The following SCARA5 variants were observed in gnomAD, a reference collection of about 807,000 sequenced individuals.
SCARA5 encodes scavenger receptor class A member 5, also known as scavenger receptor class A, member 5 (putative).
In SCARA5, 45 loss-of-function variants were observed where a neutral mutation model predicts 46.3. The ratio of observed to expected loss-of-function variants is 0.97; its 90% CI spans 0.76 to 1.24. The LOEUF (loss-of-function observed/expected upper bound fraction) is 1.24. Among genes scored for constraint, SCARA5 ranks in the 50% most tolerant of loss-of-function variants. The pLI is 0.00. For synonymous variants in SCARA5, 333 were observed against 306.5 expected, an observed-to-expected ratio of 1.09 and a Z score of -0.90; for missense variants, 680 against 689.0, an observed-to-expected ratio of 0.99 and a Z score of 0.15.
Position 27,922,004 on chromosome 8 carries a change from C to CA in SCARA5, c.482dup (p.Gln162AlafsTer34). 2 of 1,564,864 alleles carry CA rather than the reference C, an allele frequency of 1.3e-6. No homozygotes were observed. The highest frequency in any genetic ancestry group is 1.7e-6 in the Non-Finnish European group (2 of 1,163,020). On this transcript the variant is annotated frameshift_variant, in exon 4 of 9. Transcript: ENST00000354914. LOFTEE classifies it high-confidence loss of function. ...GCAGGGCCACCGCCTGCTCGGTCTG[C>CA]ACCGCCTGCGCCTGCAGCCCCCACA... is the stretch of plus-strand genomic sequence containing the variant.
intron 4 of SCARA5, among the ~76,000 whole-genome samples, chr8:27,917,630 G>A (rs1356596067): frequency 2.0e-5 from 3 of 152,160 alleles, no homozygotes; most frequent in African/African-American, 7.2e-5. Context: ...CAGTGGGAAG[G>A]CTATTCAGTC....
chr8:27,933,090 G>T (rs1356212191), intron 3 of SCARA5, among the ~76,000 whole-genome samples: 1 of 152,202 alleles, frequency 6.6e-6, no homozygotes, highest in Non-Finnish European at 1.5e-5. Flanking sequence ...ATACAGTTCA[G>T]CCCATAGCAG....
intron 2 of SCARA5, among the ~76,000 whole-genome samples, chr8:27,987,221 C>T (rs1808718238): frequency 6.6e-6 from 1 of 152,238 alleles, no homozygotes; most frequent in Admixed American, 6.5e-5. Context: ...AGAAGCATGG[C>T]CCTCGGAGTC....
chr8:27,983,939 C>T (rs1318968330), intron 2 of SCARA5, among the ~76,000 whole-genome samples: 6 of 152,200 alleles, frequency 3.9e-5, no homozygotes, highest in African/African-American at 9.7e-5. Context: ...TCCCACCTCT[C>T]GCCCTCCATT....
intron 3 of SCARA5, among the ~76,000 whole-genome samples, chr8:27,957,724 CATTTATAAACTGAGCT>C (rs1487544324): frequency 6.6e-6 from 1 of 152,236 alleles, no homozygotes; most frequent in African/African-American, 2.4e-5. Context: ...TCAGTTTCCT[CATTTATAAACTGAGCT>C]ATTTTCTGGA....
chr8:27,952,280 T>G (rs907817341), intron 3 of SCARA5, among the ~76,000 whole-genome samples: 5 of 152,192 alleles, frequency 3.3e-5, no homozygotes, highest in African/African-American at 1.2e-4. Context: ...TTTTTTGGAC[T>G]TCCATCCTCC....
intron 7 of SCARA5, among the ~76,000 whole-genome samples, chr8:27,892,122 G>A (rs1438635135): frequency 3.3e-5 from 5 of 152,220 alleles, no homozygotes; most frequent in African/African-American, 9.6e-5. Flanking sequence ...TGGGGAATAC[G>A]GAGAGAGCTG....
At chr8:27,982,153 T>C (rs565490419) in intron 2 of SCARA5, among the ~76,000 whole-genome samples, 1 of 152,220 alleles carries the variant, frequency 6.6e-6, no homozygotes, top group East Asian at 1.9e-4. Flanking sequence ...TTTGCGGCCA[T>C]GGATGACGCC....
At position 27,929,093 on chromosome 8, in the gene SCARA5, T is replaced by C. The variant is rs1247789471; in HGVS notation, c.242-6848A>G. 3.9e-5 allele frequency among the ~76,000 whole-genome samples: 6 copies of C among 152,328 alleles called. No individual in the cohort carries two copies. The East Asian group carries it at 9.6e-4, about 24-fold the overall frequency. ...TTCAAATTAAGACTCTGACTCAATA[T>C]TGATTACTGAATACTAATGAATGTT... On this transcript the variant is annotated intron_variant, in intron 3 of 8. Coordinates refer to ENST00000354914, the MANE Select transcript of SCARA5 (RefSeq NM_173833.6).
At chr8:27,933,830 C>G (rs1242857088) in intron 3 of SCARA5, among the ~76,000 whole-genome samples, 4 of 152,000 alleles carry the variant, frequency 2.6e-5, no homozygotes, top group Non-Finnish European at 4.4e-5. Flanking sequence ...GACTCTTAGG[C>G]AGTCATCAAA....
chr8:27,969,207 G>A (rs1485466279), intron 2 of SCARA5, among the ~76,000 whole-genome samples: 1 of 152,136 alleles, frequency 6.6e-6, no homozygotes, highest in African/African-American at 2.4e-5. Context: ...CATGTTAGCT[G>A]GGTAAACCTT....
chr8:27,889,318 G>T (rs1268863492), intron 7 of SCARA5, among the ~76,000 whole-genome samples: 1 of 152,152 alleles, frequency 6.6e-6, no homozygotes, highest in Non-Finnish European at 1.5e-5. Flanking sequence ...GTGATTTTTC[G>T]GTAATTATGA....
intron 8 of SCARA5, among the ~76,000 whole-genome samples, chr8:27,878,446 C>T (rs1452032923): frequency 1.3e-5 from 2 of 152,200 alleles, no homozygotes; most frequent in Admixed American, 1.3e-4. Flanking sequence ...TTCTTTCCAT[C>T]AGGAAACAAA....
intron 2 of SCARA5, among the ~76,000 whole-genome samples, chr8:27,987,043 G>T (rs886672875): frequency 2.6e-5 from 4 of 152,238 alleles, no homozygotes. Flanking sequence ...CCTTTCTGTG[G>T]CAAGACCAGG....
chr8:27,972,888 T>C (rs1808468028), intron 2 of SCARA5, among the ~76,000 whole-genome samples: 1 of 151,854 alleles, frequency 6.6e-6, no homozygotes, highest in Non-Finnish European at 1.5e-5. Context: ...TTCTAGAAGG[T>C]AGTATATTAA....
chr8:27,914,416 C>G (rs1390290031), intron 4 of SCARA5, among the ~76,000 whole-genome samples: 1 of 152,226 alleles, frequency 6.6e-6, no homozygotes, highest in African/African-American at 2.4e-5. Context: ...GCACAATGCC[C>G]CTGTGGGAGC....
intron 2 of SCARA5, among the ~76,000 whole-genome samples, chr8:27,985,178 C>T (rs772224808): frequency 4.6e-5 from 7 of 151,982 alleles, no homozygotes; most frequent in Non-Finnish European, 1.0e-4. Flanking sequence ...ATGAGGAAGT[C>T]AGACCACGGA....
At position 27,982,749 on chromosome 8, in the gene SCARA5, A is replaced by G. The variant is rs1177629150; in HGVS notation, c.112+4755T>C. The stretch of plus-strand genomic sequence containing the variant: ...GTACCTGCGGGGCCTTGAAGGATGC[A>G]GGGACAGGACGAGCTGGAGGAGCTG... On this transcript the variant is annotated intron_variant, in intron 2 of 8. Coordinates refer to ENST00000354914, the MANE Select transcript of SCARA5 (RefSeq NM_173833.6). Among the ~76,000 whole-genome samples the G allele has an allele frequency of 2.0e-5, 3 of 152,314 alleles. No homozygotes were observed. In the East Asian group the frequency reaches 5.8e-4, roughly 29 times the overall value.
chr8:27,965,885 C>T (rs1422902007), intron 3 of SCARA5, among the ~76,000 whole-genome samples: 1 of 152,192 alleles, frequency 6.6e-6, no homozygotes, highest in Non-Finnish European at 1.5e-5. Context: ...AGCTCTCCTT[C>T]TCCATGGCTG....
Sources: allele counts gnomAD v4.1 joint callset (sites outside exome capture counted in the v4.1 genomes callset), GRCh38; gene constraint gnomAD v4.1.1; transcripts MANE v1.5; gene names NCBI Gene and HGNC (gene_info 2026-07-23, HGNC 2026-07-21).